Variants in MYO3A observed in about 807,000 individuals in gnomAD.
MYO3A encodes the protein myosin IIIA.
A neutral mutation model predicts 192.7 loss-of-function variants in MYO3A; 180 were observed. The observed-to-expected ratio is 0.93, with a 90% CI of 0.83 to 1.06. The LOEUF is 1.06. Ranked by LOEUF, MYO3A falls within the 50% of genes least tolerant of loss-of-function variation. The pLI is 0.00. For synonymous variants in MYO3A, 628 were observed against 645.3 expected (o/e 0.97, Z 0.41); for missense variants, 1,896 against 1,905.0 (o/e 1.00, Z 0.09).
At chr10:26,165,369 T>C (rs1008216742) in intron 26 of MYO3A, among the ~76,000 whole-genome samples, 1 of 152,214 alleles carries the variant, frequency 6.6e-6, no homozygotes, top group Non-Finnish European at 1.5e-5. Context: ...TTAAAAATTC[T>C]GGAAATCTGT....
At chr10:25,956,495 A>ATTTTTTTTTTTTTTT in intron 4 of MYO3A, among the ~76,000 whole-genome samples, 1 of 128,846 alleles carries the variant, frequency 7.8e-6, no homozygotes, top group Non-Finnish European at 1.6e-5. Flanking sequence ...GCCCAGCTAA[A>ATTTTTTTTTTTTTTT]TTTTTTTTTT....
intron 4 of MYO3A, among the ~76,000 whole-genome samples, chr10:25,990,384 T>G (rs768936395): frequency 6.6e-6 from 1 of 152,166 alleles, no homozygotes. Flanking sequence ...ACATAATCTA[T>G]TGCACTATTG....
intron 4 of MYO3A, among the ~76,000 whole-genome samples, chr10:25,973,394 G>A (rs964829683): frequency 1.3e-5 from 2 of 151,970 alleles, no homozygotes; most frequent in African/African-American, 4.8e-5. Context: ...AAGACGATGG[G>A]GTTTTCTAAA....
chr10:25,977,087 T>A (rs1404441675), intron 4 of MYO3A, among the ~76,000 whole-genome samples: 2 of 152,204 alleles, frequency 1.3e-5, no homozygotes, highest in African/African-American at 2.4e-5. Context: ...AAGACCATAT[T>A]TGAAATTTCA....
chr10:26,089,210 C>G, intron 15 of MYO3A, among the ~76,000 whole-genome samples: 1 of 152,136 alleles, frequency 6.6e-6, no homozygotes, highest in Non-Finnish European at 1.5e-5. Flanking sequence ...TAAGTGCCTT[C>G]AAGCTTGGTG....
intron 33 of MYO3A, among the ~76,000 whole-genome samples, chr10:26,201,671 C>A (rs948935754): frequency 6.8e-6 from 1 of 146,910 alleles, no homozygotes; most frequent in Non-Finnish European, 1.5e-5. Flanking sequence ...GAGCAGTCGA[C>A]TGGGCGAGAC....
At chr10:26,183,136 C>A (rs560856828) in intron 31 of MYO3A, among the ~76,000 whole-genome samples, 3 of 152,136 alleles carry the variant, frequency 2.0e-5, no homozygotes, top group Admixed American at 6.6e-5. Context: ...TCTCACCCCC[C>A]ACACAGGCTG....
intron 26 of MYO3A, among the ~76,000 whole-genome samples, chr10:26,163,476 G>A (rs1841580851): frequency 6.6e-6 from 1 of 152,212 alleles, no homozygotes; most frequent in Non-Finnish European, 1.5e-5. Flanking sequence ...GAGAAGGGAT[G>A]AGGTATTCAA....
chr10:26,086,382 A>G (rs1011134925), intron 14 of MYO3A, among the ~76,000 whole-genome samples: 1 of 152,158 alleles, frequency 6.6e-6, no homozygotes, highest in African/African-American at 2.4e-5. Context: ...ACAATTTGAC[A>G]TGAGATTTGG....
At chr10:26,199,850 CA>C (rs946122353) in intron 32 of MYO3A, among the ~76,000 whole-genome samples, 1 of 152,110 alleles carries the variant, frequency 6.6e-6, no homozygotes, top group African/African-American at 2.4e-5. Context: ...TTACCCAGAA[CA>C]AAAGGGACTT....
intron 17 of MYO3A, among the ~76,000 whole-genome samples, chr10:26,117,513 G>A (rs1253194672): frequency 6.6e-6 from 1 of 151,916 alleles, no homozygotes; most frequent in East Asian, 1.9e-4. Flanking sequence ...CCTCTAATAG[G>A]CCCCAGTGTG....
chr10:26,041,362 G>GTTT (rs145328754), intron 10 of MYO3A, among the ~76,000 whole-genome samples: 1 of 151,558 alleles, frequency 6.6e-6, no homozygotes, highest in East Asian at 1.9e-4. Context: ...TGTTGTTGTT[G>GTTT]TTTTTATCCA....
Position 25,952,295 on chromosome 10 carries a change from CCTT to C in MYO3A, c.168+20_168+22del. ...CCAATTCACGTAAGTCATATTTTTT[CCTT>C]CTAATTAGCTTTATTTTTATCTGTA... On this transcript the variant is annotated intron_variant, in intron 3 of 34. Transcript: ENST00000642920. The C allele has an allele frequency of 6.2e-7, 1 of 1,608,812 alleles. No individual in the cohort carries two copies. The highest frequency in any genetic ancestry group is 8.5e-7 in the Non-Finnish European group (1 of 1,176,458).
Position 26,173,977 on chromosome 10 carries a change from A to C in MYO3A, c.3713A>C (p.Gln1238Pro), listed in dbSNP as rs1320219925. The C allele has an allele frequency of 6.2e-7, 1 of 1,608,242 alleles. No individual in the cohort carries two copies. Among genetic ancestry groups the C allele is most frequent in the African/African-American group, 1.3e-5 (1 of 74,364 alleles). Reference sequence around the variant, plus strand: ...GTGGAGAAAGAGGAAGCTATGATCCAGAGTTACTATCAGAGGTACACAGAG... The same window carrying C: ...GTGGAGAAAGAGGAAGCTATGATCCCGAGTTACTATCAGAGGTACACAGAG... ...RKVEKEEAMI[Q>P]SYYQRYTEER... The change falls in exon 30 of 35, where the codon CAG becomes CCG. Residue 1238 changes from glutamine to proline, a missense_variant. Transcript: ENST00000642920.
intron 32 of MYO3A, among the ~76,000 whole-genome samples, chr10:26,196,470 G>A (rs1346748714): frequency 6.6e-6 from 1 of 152,124 alleles, no homozygotes; most frequent in Non-Finnish European, 1.5e-5. Flanking sequence ...AAGTCATTAG[G>A]GAATAGGATC....
rs78710895 is a variant in MYO3A, at chr10:26,153,979, A to G, written c.2715+50A>G. The G allele has an allele frequency of 1.7e-4, 222 of 1,273,918 alleles. 3 individuals are homozygous for G. The East Asian group carries it at 5.0e-3, about 29-fold the overall frequency. 78.9% of individuals were successfully genotyped at this position (1,273,918 alleles called of 1,614,324 possible). ...CAGTGAGTCTAAGAATCTAACCGGT[A>G]TGATGGCAATATTTGTATGCTTCTC... On this transcript the variant is annotated intron_variant, in intron 24 of 34. Transcript: ENST00000642920.
chr10:25,981,986 C>T (rs796682179), intron 4 of MYO3A, among the ~76,000 whole-genome samples: 1 of 152,136 alleles, frequency 6.6e-6, no homozygotes, highest in South Asian at 2.1e-4. Flanking sequence ...GGCTCGTAGT[C>T]TGGGGCAAGC....
intron 14 of MYO3A, among the ~76,000 whole-genome samples, chr10:26,080,539 T>G (rs1418647959): frequency 7.4e-5 from 11 of 147,862 alleles, no homozygotes; most frequent in Admixed American, 1.3e-4. Context: ...AATCTGGGTT[T>G]TTTTTTTTTT....
chr10:26,166,953 T>A (rs1841786670), intron 27 of MYO3A, among the ~76,000 whole-genome samples: 1 of 152,106 alleles, frequency 6.6e-6, no homozygotes, highest in African/African-American at 2.4e-5. Flanking sequence ...GAAAGAGAGG[T>A]CACTGTTTGG....
Sources: allele counts gnomAD v4.1 joint callset (sites outside exome capture counted in the v4.1 genomes callset), GRCh38; gene constraint gnomAD v4.1.1; transcripts MANE v1.5; gene names NCBI Gene and HGNC (gene_info 2026-07-23, HGNC 2026-07-21).